Variants in SAMD13 observed in about 807,000 individuals in gnomAD.
SAMD13 encodes sterile alpha motif domain containing 13.
In SAMD13, 9 loss-of-function variants were observed where a neutral mutation model predicts 12.4. The observed-to-expected ratio is 0.72, with a 90% CI of 0.44 to 1.26. The LOEUF (loss-of-function observed/expected upper bound fraction) is 1.26. Ranked by LOEUF, SAMD13 falls within the 50% of genes most tolerant of loss-of-function variation. The pLI is 0.00. For synonymous variants in SAMD13, 46 were observed against 45.4 expected (o/e 1.01, Z -0.05); for missense variants, 84 against 119.6 (o/e 0.70, Z 1.39).
Position 84,349,716 on chromosome 1 carries a change from T to C in SAMD13, c.251T>C (p.Ile84Thr). The C allele has an allele frequency of 1.2e-6, 2 of 1,613,934 alleles. No individual in the cohort carries two copies. The highest frequency in any genetic ancestry group is 1.7e-6 in the Non-Finnish European group (2 of 1,179,870). Residue 84 changes from isoleucine to threonine, a missense_variant, in exon 4 of 4, where the codon ATC (isoleucine) becomes ACC (threonine). Physicochemically the swap from Ile to Thr is moderately conservative, Grantham distance 89. Coordinates refer to ENST00000394834, the MANE Select transcript of SAMD13 (RefSeq NM_001134663.2). ...TTAAAATTGGGGCCTGCTCTGAAAA[T>C]CTACGAATATCATGTAAAACCTCTG... ...LQLKLGPALK[I>T]YEYHVKPLQT...
chr1:84,315,431 A>G (rs1678812403), intron 2 of SAMD13, among the ~76,000 whole-genome samples: 1 of 152,032 alleles, frequency 6.6e-6, no homozygotes, highest in Non-Finnish European at 1.5e-5. Context: ...TTCTTTTTTA[A>G]GGTTAAATAA....
intron 3 of SAMD13, among the ~76,000 whole-genome samples, chr1:84,340,625 A>G (rs555735649): frequency 2.6e-5 from 4 of 152,356 alleles, no homozygotes; most frequent in Non-Finnish European, 5.9e-5. Context: ...AATATATGTC[A>G]TGATTCAATT....
intron 3 of SAMD13, among the ~76,000 whole-genome samples, chr1:84,338,432 CTTTTTTTT>C (rs201864672): frequency 9.9e-6 from 1 of 100,660 alleles, no homozygotes; most frequent in Admixed American, 1.1e-4. Context: ...ACTCATCTCT[CTTTTTTTT>C]TTTTTTTTTT....
intron 1 of SAMD13, among the ~76,000 whole-genome samples, chr1:84,302,198 A>C (rs1678465533): frequency 8.5e-5 from 13 of 152,190 alleles, no homozygotes; most frequent in Admixed American, 8.5e-4. Flanking sequence ...AATCTTGCGA[A>C]TATACTAAAT....
intron 3 of SAMD13, among the ~76,000 whole-genome samples, chr1:84,346,466 C>T (rs1235003563): frequency 6.6e-6 from 1 of 152,204 alleles, no homozygotes; most frequent in African/African-American, 2.4e-5. Context: ...TCAGTTAACA[C>T]ACAATTCCCA....
At chr1:84,323,401 G>A (rs372766269) in intron 2 of SAMD13, among the ~76,000 whole-genome samples, 1 of 152,104 alleles carries the variant, frequency 6.6e-6, no homozygotes, top group African/African-American at 2.4e-5. Flanking sequence ...CCTGTTAAAT[G>A]GTAGGAAGAT....
At chr1:84,340,431 A>G (rs1161593555) in intron 3 of SAMD13, among the ~76,000 whole-genome samples, 1 of 152,196 alleles carries the variant, frequency 6.6e-6, no homozygotes, top group Non-Finnish European at 1.5e-5. Context: ...GGGAGTTATT[A>G]AGTAATGTGT....
chr1:84,321,159 C>T (rs971441640), intron 2 of SAMD13, among the ~76,000 whole-genome samples: 19 of 152,032 alleles, frequency 1.2e-4, no homozygotes, highest in South Asian at 6.2e-4. Flanking sequence ...GTCTCTTTAA[C>T]GCTCATTAAA....
chr1:84,335,518 T>C (rs1248598923), intron 3 of SAMD13, among the ~76,000 whole-genome samples: 1 of 152,196 alleles, frequency 6.6e-6, no homozygotes, highest in Non-Finnish European at 1.5e-5. Context: ...CTGTGACTTT[T>C]AATTGAGACA....
chr1:84,327,967 T>A (rs1281692279), intron 3 of SAMD13, among the ~76,000 whole-genome samples: 1 of 152,236 alleles, frequency 6.6e-6, no homozygotes, highest in Non-Finnish European at 1.5e-5. Context: ...TGTCCATTTG[T>A]GTCACAGCAA....
chr1:84,347,077 T>A (rs576662669), intron 3 of SAMD13, among the ~76,000 whole-genome samples: 1 of 152,206 alleles, frequency 6.6e-6, no homozygotes, highest in South Asian at 2.1e-4. Flanking sequence ...CATCTTAAGG[T>A]GAGGAAATTG....
At chr1:84,342,416 A>G (rs1679446092) in intron 3 of SAMD13, among the ~76,000 whole-genome samples, 1 of 152,244 alleles carries the variant, frequency 6.6e-6, no homozygotes, top group African/African-American at 2.4e-5. Flanking sequence ...CTAAGCAAAA[A>G]GAACAAAGTT....
chr1:84,336,732 A>G (rs1028480716), intron 3 of SAMD13, among the ~76,000 whole-genome samples: 1 of 152,036 alleles, frequency 6.6e-6, no homozygotes, highest in Admixed American at 6.6e-5. Context: ...TCCCAACAGT[A>G]CCCCAAAGTC....
At position 84,316,039 on chromosome 1, in the gene SAMD13, T is replaced by A. The variant is rs185521661; in HGVS notation, c.54-9598T>A. Among the ~76,000 whole-genome samples, 430 of 152,304 alleles carry A rather than the reference T, an allele frequency of 2.8e-3. 1 individual carries two copies. Among genetic ancestry groups the A allele is most frequent in the African/African-American group, 0.01 (417 of 41,582 alleles). On this transcript the variant is annotated intron_variant, in intron 2 of 3. Transcript: ENST00000394834. Reference sequence around the variant, plus strand: ...CTTCTTTTCAGAGATATCTATTATGTCCTTCGACCATTTTTTCAATTGAGT... The same window carrying A: ...CTTCTTTTCAGAGATATCTATTATGACCTTCGACCATTTTTTCAATTGAGT...
intron 3 of SAMD13, among the ~76,000 whole-genome samples, chr1:84,334,576 A>G (rs1003171304): frequency 2.6e-5 from 4 of 151,760 alleles, no homozygotes; most frequent in African/African-American, 9.7e-5. Flanking sequence ...CTCAGATTTT[A>G]GTTATTTCTT....
intron 2 of SAMD13, among the ~76,000 whole-genome samples, chr1:84,322,069 G>A (rs316661): frequency 1.3e-5 from 2 of 152,130 alleles, no homozygotes; most frequent in African/African-American, 4.8e-5. Flanking sequence ...CTAGGCAGGC[G>A]GAACTAACCA....
rs1553200270 is a variant in SAMD13, at chr1:84,311,346, A to AG, written c.53+8059_53+8060insG. 2.5e-3 allele frequency among the ~76,000 whole-genome samples: 350 copies of AG among 139,768 alleles called. 6 individuals are homozygous for AG. The highest frequency in any genetic ancestry group is 5.7e-3 in the African/African-American group (210 of 37,014). The allele number at this position is 139,768 out of a possible 152,430, so 91.7% of individuals were successfully genotyped here. ...GTGAGACTGTCTAAAAAAAAAAAAAAAAAAGAAAAGAAAAGAAAAGAAAAA... is the reference window on the plus strand; with the variant it reads ...GTGAGACTGTCTAAAAAAAAAAAAAAGAAAAGAAAAGAAAAGAAAAGAAAAA... On this transcript the variant is annotated intron_variant, in intron 2 of 3. Transcript: ENST00000394834.
At chr1:84,345,493 C>G (rs1679515863) in intron 3 of SAMD13, among the ~76,000 whole-genome samples, 1 of 152,196 alleles carries the variant, frequency 6.6e-6, no homozygotes. Flanking sequence ...CCCCAGTCTT[C>G]TGATTCTAAA....
At chr1:84,337,352 A>C (rs1364859272) in intron 3 of SAMD13, among the ~76,000 whole-genome samples, 1 of 152,122 alleles carries the variant, frequency 6.6e-6, no homozygotes, top group Admixed American at 6.5e-5. Context: ...AGGCATTTCC[A>C]TACATCTTCT....
Sources: allele counts gnomAD v4.1 joint callset (sites outside exome capture counted in the v4.1 genomes callset), GRCh38; gene constraint gnomAD v4.1.1; transcripts MANE v1.5; gene names NCBI Gene and HGNC (gene_info 2026-07-23, HGNC 2026-07-21).